Variants in ZNF106 observed in about 807,000 individuals in gnomAD.
ZNF106 encodes zinc finger protein 106, also known as SH3-domain binding protein 3.
A neutral mutation model predicts 195.1 loss-of-function variants in ZNF106; 67 were observed. The observed-to-expected ratio is 0.34, with a 90% CI of 0.28 to 0.42. The LOEUF (loss-of-function observed/expected upper bound fraction) is 0.42, where lower values mean the gene tolerates loss of function less well. ZNF106 is among the 10% of genes least tolerant of loss of function. ZNF106 has a pLI of 1.00. For missense variants in ZNF106, 2,118 were observed against 2,304.5 expected (o/e 0.92, Z 1.66); for synonymous variants, 784 against 818.6 (o/e 0.96, Z 0.72).
At chr15:42,446,846 A>T (rs541794399) in intron 6 of ZNF106, among the ~76,000 whole-genome samples, 188 bp from the exon 7 acceptor site, 16 of 151,816 alleles carry the variant, frequency 1.1e-4, no homozygotes, top group African/African-American at 3.6e-4. Context: ...TATCTGATTT[A>T]AAAAAAAAGA....
chr15:42,446,645 G>A lies in ZNF106; in HGVS notation c.3149C>T (p.Pro1050Leu). ...KRRATGDGSS[P>L]ELPSLERKNK... is the part of the protein sequence containing the mutation. ...TTTTCTCTCAAGACTTGGGAGTTCA[G>A]GAGAAGATCCATCCTGGAAGGATAA... Residue 1050 changes from proline (P) to leucine (L), a missense_variant, in exon 7 of 22, where the codon CCT becomes CTT. Transcript: ENST00000564754. 6.2e-7 allele frequency: 1 copy of A among 1,605,658 alleles called. No individual in the cohort carries two copies. Among genetic ancestry groups the A allele is most frequent in the Non-Finnish European group, 8.5e-7 (1 of 1,174,746 alleles).
intron 7 of ZNF106, among the ~76,000 whole-genome samples, chr15:42,445,227 A>C (rs780978782): frequency 6.6e-6 from 1 of 152,206 alleles, no homozygotes; most frequent in African/African-American, 2.4e-5. Context: ...TGTCTCATCT[A>C]ATCACCGCCT....
At chr15:42,435,301 T>G in intron 14 of ZNF106, 83 bp downstream of exon 14, 1 of 1,565,846 alleles carries the variant, frequency 6.4e-7, no homozygotes, top group Non-Finnish European at 8.7e-7. Context: ...GAATGAAGCG[T>G]CTGCCACAGT....
chr15:42,490,951 T>A (rs1274021705), intron 1 of ZNF106, 29 bp downstream of exon 1: 1 of 152,262 alleles, frequency 6.6e-6, no homozygotes, highest in Non-Finnish European at 1.5e-5. Context: ...TCCGATACGC[T>A]CAACGCAGGC....
chr15:42,480,583 A>G (rs62022317), intron 1 of ZNF106, among the ~76,000 whole-genome samples: 30,854 of 152,122 alleles, frequency 0.2, 3,316 homozygotes, highest in Non-Finnish European at 0.24. Context: ...TAATTTTTCT[A>G]CTAGTTTTTT....
intron 1 of ZNF106, among the ~76,000 whole-genome samples, chr15:42,472,934 G>C (rs1469552405): frequency 6.6e-6 from 1 of 150,824 alleles, no homozygotes; most frequent in African/African-American, 2.4e-5. Context: ...TTGAACCCAA[G>C]AGCGGAGGTT....
At chr15:42,443,313 GCA>G (rs1375721422) in intron 9 of ZNF106, among the ~76,000 whole-genome samples, 1 of 152,006 alleles carries the variant, frequency 6.6e-6, no homozygotes, top group Non-Finnish European at 1.5e-5. Flanking sequence ...TTTTTGGGAT[GCA>G]CAGTTTACAG....
chr15:42,478,073 C>T (rs1009409126), intron 1 of ZNF106, among the ~76,000 whole-genome samples: 1 of 150,818 alleles, frequency 6.6e-6, no homozygotes, highest in African/African-American at 2.4e-5. Flanking sequence ...TCTGTAACCT[C>T]CACCTGAAAC....
rs780920126 is a variant in ZNF106, at chr15:42,451,693, G to A, written c.579C>T (p.Gly193=). 14 of 1,614,204 alleles carry A rather than the reference G, an allele frequency of 8.7e-6. No individual in the cohort carries two copies. Among genetic ancestry groups the A allele is most frequent in the East Asian group, 2.2e-5 (1 of 44,880 alleles). The change falls in exon 5 of 22, where the codon GGC becomes GGT. Residue 193 remains glycine (G), a synonymous_variant. Coordinates refer to ENST00000564754, the MANE Select transcript of ZNF106 (RefSeq NM_001366845.3). ...RSGWHKGVAG[G]SSTWFHNHSN... ...TATGGTTGTGAAACCAAGTCGAGGAGCCTCCTGCAACACCCTTATGCCACC... is the reference window on the plus strand; with the variant it reads ...TATGGTTGTGAAACCAAGTCGAGGAACCTCCTGCAACACCCTTATGCCACC...
At position 42,446,596 on chromosome 15, in the gene ZNF106, T is replaced by C. The variant is rs1256721471; in HGVS notation, c.3198A>G (p.Gly1066=). 8 of 1,595,768 alleles carry C rather than the reference T, an allele frequency of 5.0e-6. No homozygotes were observed. Among genetic ancestry groups the C allele is most frequent in the Admixed American group, 3.4e-5 (2 of 58,374 alleles). ...ERKNKRRKIK[G]KKERSQVDQL... The stretch of plus-strand genomic sequence containing the variant: ...AAATATTCTGCACCATACCTTTTTT[T>C]CCTTTAATTTTCCTTCTTTTATTTT... The change falls in exon 7 of 22, where the codon GGA becomes GGG. Residue 1066 remains glycine (G), a synonymous_variant. Coordinates refer to ENST00000564754, the MANE Select transcript of ZNF106 (RefSeq NM_001366845.3).
At chr15:42,457,410 A>G in intron 3 of ZNF106, 1 of 1,366,744 alleles carries the variant, frequency 7.3e-7, no homozygotes, top group Non-Finnish European at 9.4e-7. Context: ...AGGAGGAGAA[A>G]TCTTCTTGAA....
rs1336840651 is a variant in ZNF106 at position 42,428,330 on chromosome 15, A to G, written c.4882-196T>C. ...CTAAGACTTCCAAGCTGTAGGTAATATGAAAAATAAACATAAATTCTAGTA... is the reference window on the plus strand; with the variant it reads ...CTAAGACTTCCAAGCTGTAGGTAATGTGAAAAATAAACATAAATTCTAGTA... On this transcript the variant is annotated intron_variant, in intron 14 of 21. Transcript: ENST00000564754. Among the ~76,000 whole-genome samples, 4 of 152,324 alleles carry G rather than the reference A, an allele frequency of 2.6e-5. No individual in the cohort carries two copies. The East Asian group carries it at 7.7e-4, about 29-fold the overall frequency.
intron 10 of ZNF106, among the ~76,000 whole-genome samples, chr15:42,440,017 C>T (rs1258750411): frequency 1.3e-5 from 2 of 152,224 alleles, no homozygotes; most frequent in African/African-American, 4.8e-5. Flanking sequence ...ATCTCACAAA[C>T]ACTGTGTGTC....
At chr15:42,425,102 C>G in intron 15 of ZNF106, 77 bp from the exon 16 acceptor site, 1 of 1,418,070 alleles carries the variant, frequency 7.1e-7, no homozygotes, top group South Asian at 1.2e-5. Context: ...TACCTTGGTA[C>G]AAACTCATTT....
intron 3 of ZNF106, among the ~76,000 whole-genome samples, chr15:42,459,888 C>T (rs1159242196): frequency 6.6e-6 from 1 of 151,426 alleles, no homozygotes; most frequent in Non-Finnish European, 1.5e-5. Context: ...AAAAAAAATA[C>T]AAAAATTAGC....
intron 10 of ZNF106, among the ~76,000 whole-genome samples, chr15:42,440,765 T>A (rs2141321713): frequency 6.6e-6 from 1 of 151,396 alleles, no homozygotes; most frequent in Admixed American, 6.6e-5. Flanking sequence ...GTCGGATCAC[T>A]TGAGGTCAGG....
intron 14 of ZNF106, among the ~76,000 whole-genome samples, chr15:42,433,306 C>T (rs1486725511): frequency 1.1e-4 from 17 of 151,776 alleles, no homozygotes; most frequent in Admixed American, 6.6e-4. Context: ...GGGGTTTCAC[C>T]GTGTTAGCCA....
At chr15:42,444,413 A>G (rs1166841726) in intron 8 of ZNF106, 151 bp from the exon 9 acceptor site, 1 of 622,080 alleles carries the variant, frequency 1.6e-6, no homozygotes. Flanking sequence ...AGCAGGCTTG[A>G]ACCCTACCTG....
chr15:42,434,687 C>CAGTG (rs1207153561), intron 14 of ZNF106, among the ~76,000 whole-genome samples: 1 of 151,594 alleles, frequency 6.6e-6, no homozygotes, highest in Non-Finnish European at 1.5e-5. Flanking sequence ...TCATGTCTTT[C>CAGTG]AGTGCATTTA....
Sources: gnomAD v4.1 joint callset for allele counts (sites outside exome capture counted in the v4.1 genomes callset) on GRCh38, gnomAD v4.1.1 for gene constraint, MANE v1.5 for transcripts, NCBI Gene and HGNC (gene_info 2026-07-23, HGNC 2026-07-21) for gene names.